MINDY3: variants seen among roughly 807,000 people sequenced by gnomAD.
The protein encoded by MINDY3 is ubiquitin carboxyl-terminal hydrolase MINDY-3.
A neutral mutation model predicts 69.2 loss-of-function variants in MINDY3; 38 were observed. That is an observed-to-expected ratio of 0.55 (90% confidence interval 0.42 to 0.72). The LOEUF is 0.72. Ranked by LOEUF, MINDY3 falls within the 30% of genes least tolerant of loss-of-function variation. The pLI is 0.00. For synonymous variants in MINDY3, 192 were observed against 180.1 expected, an observed-to-expected ratio of 1.07 and a Z score of -0.53; for missense variants, 522 against 519.0, an observed-to-expected ratio of 1.01 and a Z score of -0.06.
intron 10 of MINDY3, among the ~76,000 whole-genome samples, chr10:15,809,214 C>G (rs1226017144): frequency 6.6e-6 from 1 of 152,008 alleles, no homozygotes; most frequent in East Asian, 1.9e-4. Context: ...GACAAATGCC[C>G]TAATGTTTGA....
intron 10 of MINDY3, among the ~76,000 whole-genome samples, chr10:15,797,601 G>T (rs988710499): frequency 2.0e-5 from 3 of 152,002 alleles, no homozygotes; most frequent in African/African-American, 7.2e-5. Flanking sequence ...CATCATAAAC[G>T]TGCAGTTATA....
intron 8 of MINDY3, among the ~76,000 whole-genome samples, chr10:15,830,653 T>A (rs1455478746): frequency 6.6e-6 from 1 of 152,136 alleles, no homozygotes; most frequent in Non-Finnish European, 1.5e-5. Context: ...GAGATTTTAA[T>A]CCAAAGATTT....
chr10:15,852,751 G>T (rs1013182745), intron 1 of MINDY3, among the ~76,000 whole-genome samples: 3 of 152,126 alleles, frequency 2.0e-5, no homozygotes, highest in African/African-American at 7.2e-5. Flanking sequence ...ATTAGAAAGA[G>T]AAATAGTAAA....
At chr10:15,857,704 G>A (rs929204889) in intron 1 of MINDY3, among the ~76,000 whole-genome samples, 5 of 151,938 alleles carry the variant, frequency 3.3e-5, no homozygotes, top group African/African-American at 4.8e-5. Flanking sequence ...AAAACACCCC[G>A]CATTTTTTAA....
At chr10:15,787,970 A>C (rs984201026) in intron 12 of MINDY3, among the ~76,000 whole-genome samples, 1 of 152,134 alleles carries the variant, frequency 6.6e-6, no homozygotes, top group African/African-American at 2.4e-5. Context: ...CAAGAAAAAC[A>C]ACCTGATTGA....
chr10:15,788,959 CGTG>C, intron 12 of MINDY3: 1 of 239,272 alleles, frequency 4.2e-6, no homozygotes, highest in Non-Finnish European at 8.3e-6. Flanking sequence ...AATTTTAAGA[CGTG>C]GGGAAGTGTT....
At chr10:15,826,473 G>A (rs891142641) in intron 8 of MINDY3, among the ~76,000 whole-genome samples, 5 of 152,066 alleles carry the variant, frequency 3.3e-5, no homozygotes, top group African/African-American at 1.2e-4. Context: ...CAATCTAGTT[G>A]GGAAGATAAT....
intron 13 of MINDY3, among the ~76,000 whole-genome samples, chr10:15,786,268 G>A (rs1836948467): frequency 6.6e-6 from 1 of 152,092 alleles, no homozygotes; most frequent in South Asian, 2.1e-4. Context: ...GGGTGGGAGT[G>A]GAGAAAGAGA....
chr10:15,813,890 T>C (rs1237037556), intron 10 of MINDY3, among the ~76,000 whole-genome samples: 4 of 144,480 alleles, frequency 2.8e-5, no homozygotes, highest in Non-Finnish European at 6.0e-5. Flanking sequence ...AAAAAAGACA[T>C]AAATATTTAC....
chr10:15,780,279 T>TAAAG (rs982325020), intron 14 of MINDY3, among the ~76,000 whole-genome samples: 11 of 152,184 alleles, frequency 7.2e-5, no homozygotes, highest in African/African-American at 2.7e-4. Context: ...AAGAAAGTGC[T>TAAAG]AAAGATACAT....
intron 8 of MINDY3, among the ~76,000 whole-genome samples, chr10:15,831,625 C>A (rs114368891): frequency 0.017 from 2,580 of 151,170 alleles, 53 homozygotes; most frequent in African/African-American, 0.056. Flanking sequence ...ATATTCTGTA[C>A]AGGAAGTAAC....
chr10:15,843,358 T>C, intron 2 of MINDY3, 86 bp from the exon 3 acceptor site: 1 of 1,058,806 alleles, frequency 9.4e-7, no homozygotes. Context: ...GAAAAAATAA[T>C]GTGTACTCCC....
Position 15,782,259 on chromosome 10 carries a change from ATTATAT to A in MINDY3, c.1117-39_1117-34del, listed in dbSNP as rs199510240. On this transcript the variant is annotated intron_variant, in intron 13 of 14. Transcript: ENST00000277632. ...AAATAAAGGACTATTAACACTTTAAATTATATTTATATCAGGCAATTTCTAATCAAC... is the reference window on the plus strand; with the variant it reads ...AAATAAAGGACTATTAACACTTTAAATTATATCAGGCAATTTCTAATCAAC... 7.9e-3 allele frequency: 11,033 copies of A among 1,393,920 alleles called. 84 individuals carry two copies. The highest frequency in any genetic ancestry group is 0.019 in the South Asian group (1,557 of 80,674). 86.3% of individuals were successfully genotyped at this position (1,393,920 alleles called of 1,614,324 possible).
intron 2 of MINDY3, among the ~76,000 whole-genome samples, chr10:15,845,532 C>T (rs1833770865): frequency 6.6e-6 from 1 of 152,040 alleles, no homozygotes; most frequent in African/African-American, 2.4e-5. Flanking sequence ...CAGGGTCTCC[C>T]TCTATTGCCC....
At chr10:15,780,187 G>C (rs964816519) in intron 14 of MINDY3, among the ~76,000 whole-genome samples, 3 of 152,080 alleles carry the variant, frequency 2.0e-5, no homozygotes, top group Non-Finnish European at 4.4e-5. Context: ...TTAAATGGTA[G>C]TTGCCTCTAA....
intron 10 of MINDY3, among the ~76,000 whole-genome samples, chr10:15,809,728 C>T (rs1838871538): frequency 6.6e-6 from 1 of 152,020 alleles, no homozygotes; most frequent in African/African-American, 2.4e-5. Context: ...TGATATTCTC[C>T]CTCAGTAGTA....
At chr10:15,809,877 T>C (rs1838880700) in intron 10 of MINDY3, among the ~76,000 whole-genome samples, 1 of 152,158 alleles carries the variant, frequency 6.6e-6, no homozygotes, top group Non-Finnish European at 1.5e-5. Flanking sequence ...GATGACTCTT[T>C]CTATATCAGA....
In MINDY3 at chr10:15,779,186, C is replaced by T. The variant is rs371955391; in HGVS notation, c.1189-45G>A. 51 of 1,566,188 alleles carry T rather than the reference C, an allele frequency of 3.3e-5. No individual in the cohort carries two copies. The African/African-American group carries it at 6.1e-4, about 19-fold the overall frequency. On this transcript the variant is annotated intron_variant, in intron 14 of 14. Coordinates refer to ENST00000277632, the MANE Select transcript of MINDY3 (RefSeq NM_024948.4). Reference sequence around the variant, plus strand: ...CACCAAGGTCAAGCAACAGTCTTAGCAAATTCTTATGTGGAATGAAAACAA... The same window carrying T: ...CACCAAGGTCAAGCAACAGTCTTAGTAAATTCTTATGTGGAATGAAAACAA...
intron 10 of MINDY3, among the ~76,000 whole-genome samples, chr10:15,804,990 C>T (rs1838530005): frequency 1.3e-5 from 2 of 152,132 alleles, no homozygotes; most frequent in Non-Finnish European, 2.9e-5. Context: ...ACACAGCAGA[C>T]AGCCCTCTGA....
Sources: allele counts gnomAD v4.1 joint callset (sites outside exome capture counted in the v4.1 genomes callset), GRCh38; gene constraint gnomAD v4.1.1; transcripts MANE v1.5; gene names NCBI Gene and HGNC (gene_info 2026-07-23, HGNC 2026-07-21).